Variants in ANO6 observed in about 807,000 individuals in gnomAD.
ANO6 encodes the protein anoctamin-6.
In ANO6, 106 loss-of-function variants were observed where a neutral mutation model predicts 117.5. The observed-to-expected ratio is 0.90, with a 90% CI of 0.77 to 1.06. The LOEUF is 1.06. Among genes scored for constraint, ANO6 ranks in the 50% least tolerant of loss-of-function variants. The pLI, the probability that ANO6 is intolerant of heterozygous loss-of-function variation, is 0.00. For missense variants in ANO6, 955 were observed against 1,121.1 expected, an observed-to-expected ratio of 0.85 and a Z score of 2.12; for synonymous variants, 367 against 385.1, an observed-to-expected ratio of 0.95 and a Z score of 0.55.
At chr12:45,216,438 C>A in intron 1 of ANO6, 47 bp downstream of exon 1, 1 of 1,593,692 alleles carries the variant, frequency 6.3e-7, no homozygotes, top group Non-Finnish European at 8.5e-7. Context: ...CGAGCCGACG[C>A]GGGAAGAAGT....
chr12:45,431,029 A>G lies in ANO6; in HGVS notation c.*1718A>G, dbSNP rs1943619229. ...TAACTCTAGGTCATGATTGATTTCA[A>G]ATGCCTGCCATGAATGATTTGTAAG... On this transcript the variant is annotated 3_prime_UTR_variant, in exon 20 of 20. Coordinates refer to ENST00000320560, the MANE Select transcript of ANO6 (RefSeq NM_001025356.3). 6.1e-6 allele frequency: 6 copies of G among 985,320 alleles called. No homozygotes were observed. The highest frequency in any genetic ancestry group is 3.5e-5 in the African/African-American group (2 of 57,226). The allele number at this position is 985,320 out of a possible 1,614,324, so 61.0% of individuals were successfully genotyped here.
intron 2 of ANO6, among the ~76,000 whole-genome samples, chr12:45,317,503 T>C (rs1005801171): frequency 6.6e-6 from 1 of 151,908 alleles, no homozygotes; most frequent in Non-Finnish European, 1.5e-5. Context: ...TGCCACATTT[T>C]CTTAATCCAG....
At chr12:45,290,736 TAA>T (rs987942153) in intron 1 of ANO6, among the ~76,000 whole-genome samples, 14 of 152,228 alleles carry the variant, frequency 9.2e-5, no homozygotes, top group African/African-American at 3.4e-4. Flanking sequence ...ATGGTAAATC[TAA>T]GTTTTTAAAA....
chr12:45,417,005 T>A, intron 17 of ANO6, 101 bp downstream of exon 17: 3 of 1,142,690 alleles, frequency 2.6e-6, no homozygotes, highest in Non-Finnish European at 3.9e-6. Flanking sequence ...GAGAGGAAGA[T>A]GCTAAGTCTG....
chr12:45,261,451 C>G (rs1029427577), intron 1 of ANO6, among the ~76,000 whole-genome samples: 7 of 152,176 alleles, frequency 4.6e-5, no homozygotes, highest in Non-Finnish European at 8.8e-5. Flanking sequence ...TCCTCCAGCT[C>G]TGATTTGCAA....
At chr12:45,321,675 A>G (rs777763838) in intron 2 of ANO6, among the ~76,000 whole-genome samples, 1 of 152,122 alleles carries the variant, frequency 6.6e-6, no homozygotes, top group Non-Finnish European at 1.5e-5. Context: ...AGTATCTGCT[A>G]AATACTCGTC....
chr12:45,274,169 T>G (rs1938475073), intron 1 of ANO6, among the ~76,000 whole-genome samples: 1 of 152,156 alleles, frequency 6.6e-6, no homozygotes, highest in Non-Finnish European at 1.5e-5. Context: ...CTCCACTCCT[T>G]AGGTGATCTC....
In ANO6 at chr12:45,279,694, A is replaced by G. The variant is rs75302116; in HGVS notation, c.71-22320A>G. Among the ~76,000 whole-genome samples the G allele has an allele frequency of 9.6e-3, 1,460 of 152,328 alleles. 25 individuals are homozygous for G. The highest frequency in any genetic ancestry group is 0.033 in the African/African-American group (1,375 of 41,558). Reference sequence around the variant, plus strand: ...TGCTACAAACTCTTTAATCCTGGGCATCCTGCCTTGTCATTATTTCTGTTC... The same window carrying G: ...TGCTACAAACTCTTTAATCCTGGGCGTCCTGCCTTGTCATTATTTCTGTTC... On this transcript the variant is annotated intron_variant, in intron 1 of 19. Transcript: ENST00000320560.
intron 1 of ANO6, among the ~76,000 whole-genome samples, chr12:45,284,022 A>C (rs1005107511): frequency 2.0e-5 from 3 of 152,224 alleles, no homozygotes; most frequent in Non-Finnish European, 2.9e-5. Flanking sequence ...AAGGCATACA[A>C]ATTTATTTGA....
chr12:45,334,516 A>T (rs1305950361), intron 3 of ANO6, among the ~76,000 whole-genome samples: 2 of 152,024 alleles, frequency 1.3e-5, no homozygotes, highest in African/African-American at 2.4e-5. Context: ...CTGTTTTTTA[A>T]GAGGGAAGAA....
intron 12 of ANO6, among the ~76,000 whole-genome samples, chr12:45,394,625 A>T (rs1487078751): frequency 6.6e-6 from 1 of 152,366 alleles, no homozygotes; most frequent in East Asian, 1.9e-4. Flanking sequence ...GTGAAAGAAC[A>T]GAAATCACAA....
At chr12:45,226,600 T>C (rs889136733) in intron 1 of ANO6, among the ~76,000 whole-genome samples, 1 of 152,174 alleles carries the variant, frequency 6.6e-6, no homozygotes, top group Non-Finnish European at 1.5e-5. Context: ...AGATTTTGTT[T>C]ATATAATTGA....
At chr12:45,341,275 A>T (rs1036815136) in intron 3 of ANO6, among the ~76,000 whole-genome samples, 3 of 152,188 alleles carry the variant, frequency 2.0e-5, no homozygotes, top group African/African-American at 2.4e-5. Context: ...CTTAAAATTG[A>T]ATACACTCTT....
At chr12:45,378,155 A>G (rs1427033908) in intron 10 of ANO6, 42 bp downstream of exon 10, 1 of 1,557,470 alleles carries the variant, frequency 6.4e-7, no homozygotes, top group South Asian at 1.1e-5. Context: ...ATTTGATAGT[A>G]TTACACAGTT....
At chr12:45,343,159 C>T (rs1193469825) in intron 3 of ANO6, among the ~76,000 whole-genome samples, 1 of 152,132 alleles carries the variant, frequency 6.6e-6, no homozygotes, top group African/African-American at 2.4e-5. Flanking sequence ...AAGGAGACAG[C>T]CCAACTGTGA....
intron 2 of ANO6, among the ~76,000 whole-genome samples, chr12:45,327,923 G>T (rs970666728): frequency 6.6e-6 from 1 of 152,044 alleles, no homozygotes; most frequent in Non-Finnish European, 1.5e-5. Flanking sequence ...GCCAGACCTG[G>T]CCACTAATCT....
intron 3 of ANO6, among the ~76,000 whole-genome samples, chr12:45,331,867 C>G (rs772229242): frequency 1.4e-4 from 21 of 152,040 alleles, no homozygotes; most frequent in Non-Finnish European, 2.1e-4. Flanking sequence ...ATAATCACAC[C>G]ATTTTATGGA....
chr12:45,228,051 T>G (rs1417812621), intron 1 of ANO6: 1 of 242,082 alleles, frequency 4.1e-6, no homozygotes, highest in African/African-American at 2.4e-5. Flanking sequence ...AATAAATGGC[T>G]CATGAATGTA....
At chr12:45,341,834 C>CA (rs1473251930) in intron 3 of ANO6, among the ~76,000 whole-genome samples, 1 of 151,912 alleles carries the variant, frequency 6.6e-6, no homozygotes, top group Non-Finnish European at 1.5e-5. Context: ...CTAAGCCCTG[C>CA]AGAACAGAGA....
Sources: gnomAD v4.1 joint callset for allele counts (sites outside exome capture counted in the v4.1 genomes callset) on GRCh38, gnomAD v4.1.1 for gene constraint, MANE v1.5 for transcripts, NCBI Gene and HGNC (gene_info 2026-07-23, HGNC 2026-07-21) for gene names.